The following ANO3 variants were observed in gnomAD, a reference collection of about 807,000 sequenced individuals.
ANO3 encodes the protein anoctamin 3.
Under a neutral mutation model 144.8 loss-of-function variants are expected in ANO3, and 99 were observed. The ratio of observed to expected loss-of-function variants is 0.68; its 90% confidence interval spans 0.58 to 0.81. The LOEUF (loss-of-function observed/expected upper bound fraction) is 0.81. ANO3 is among the 30% of genes least tolerant of loss of function. The pLI is 0.00. For missense variants in ANO3, 905 were observed against 1,202.2 expected (o/e 0.75, Z 3.66); for synonymous variants, 414 against 392.6 (o/e 1.05, Z -0.64).
intron 1 of ANO3, among the ~76,000 whole-genome samples, chr11:26,257,105 G>GATC (rs148915988): frequency 0.018 from 2,781 of 151,950 alleles, 65 homozygotes; most frequent in East Asian, 0.12. Flanking sequence ...TCAAAATCTA[G>GATC]ATCATTAATA....
At chr11:26,366,028 G>T (rs906081530) in intron 1 of ANO3, among the ~76,000 whole-genome samples, 1 of 141,164 alleles carries the variant, frequency 7.1e-6, no homozygotes, top group South Asian at 2.2e-4. Context: ...AAGTTCTAGG[G>T]TACATGCACA....
At chr11:26,271,796 G>A (rs1045062782) in intron 1 of ANO3, among the ~76,000 whole-genome samples, 1 of 150,016 alleles carries the variant, frequency 6.7e-6, no homozygotes, top group Admixed American at 6.7e-5. Flanking sequence ...ACAGTAATTT[G>A]TATATCTGAG....
At chr11:26,591,260 C>T (rs548591643) in intron 14 of ANO3, among the ~76,000 whole-genome samples, 72 of 152,232 alleles carry the variant, frequency 4.7e-4, no homozygotes, top group African/African-American at 1.6e-3. Flanking sequence ...TGGCCAACGA[C>T]CGCTCTTAAC....
At chr11:26,243,801 T>A (rs1852717772) in intron 1 of ANO3, among the ~76,000 whole-genome samples, 1 of 152,110 alleles carries the variant, frequency 6.6e-6, no homozygotes. Flanking sequence ...AGAAAAATCT[T>A]AAATGAAGCC....
chr11:26,543,267 A>G (rs911065156), intron 11 of ANO3, among the ~76,000 whole-genome samples: 6 of 152,142 alleles, frequency 3.9e-5, no homozygotes, highest in African/African-American at 1.4e-4. Flanking sequence ...TCTGTTTTAT[A>G]TTGCCCTCTG....
At chr11:26,459,609 C>CAT (rs369468330) in intron 3 of ANO3, among the ~76,000 whole-genome samples, 205 of 149,522 alleles carry the variant, frequency 1.4e-3, no homozygotes, top group East Asian at 4.7e-3. Flanking sequence ...CACACACATA[C>CAT]ATATATATAT....
chr11:26,519,178 TAGC>T (rs1250123939), intron 6 of ANO3, among the ~76,000 whole-genome samples: 8 of 152,156 alleles, frequency 5.3e-5, no homozygotes, highest in African/African-American at 1.9e-4. Flanking sequence ...AGGAAGCCCT[TAGC>T]AACTATCATA....
At position 26,638,379 on chromosome 11, in the gene ANO3, C is replaced by T. The variant is rs758756791; in HGVS notation, c.2044-765C>T. On this transcript the variant is annotated intron_variant, in intron 20 of 26. Coordinates refer to ENST00000256737, the MANE Select transcript of ANO3 (RefSeq NM_031418.4). ...GATTGGTCTCTCCAAAACACATAAC[C>T]CTGGTCTAAACATAAGAAAAACCAT... Among the ~76,000 whole-genome samples the T allele has an allele frequency of 2.6e-5, 4 of 152,274 alleles. No homozygotes were observed. In the South Asian group the frequency reaches 8.3e-4, roughly 32 times the overall value.
At chr11:26,560,969 G>A (rs532609867) in intron 14 of ANO3, 186 of 1,225,182 alleles carry the variant, frequency 1.5e-4, no homozygotes, top group Admixed American at 2.8e-4. Context: ...CAAAATCCAC[G>A]TGACAGTAAT....
chr11:26,554,157 T>C (rs976432662), intron 13 of ANO3, among the ~76,000 whole-genome samples: 1 of 152,178 alleles, frequency 6.6e-6, no homozygotes, highest in Non-Finnish European at 1.5e-5. Flanking sequence ...ATTTGTATTT[T>C]CTAGATTCTT....
chr11:26,352,277 A>G (rs1413975285), intron 1 of ANO3, among the ~76,000 whole-genome samples: 1 of 152,212 alleles, frequency 6.6e-6, no homozygotes. Flanking sequence ...AACTTAGAGC[A>G]AATAGTCATC....
At chr11:26,335,296 T>C (rs1855163750) in intron 1 of ANO3, among the ~76,000 whole-genome samples, 3 of 152,208 alleles carry the variant, frequency 2.0e-5, no homozygotes. Flanking sequence ...GCTCAAAAAA[T>C]TTAGTGATTT....
intron 17 of ANO3, among the ~76,000 whole-genome samples, chr11:26,615,246 A>G (rs1350736099): frequency 1.3e-5 from 2 of 149,776 alleles, no homozygotes; most frequent in Non-Finnish European, 3.0e-5. Context: ...ACATTAGGTC[A>G]CTTTTTGAGT....
At chr11:26,496,147 C>G (rs905195701) in intron 4 of ANO3, among the ~76,000 whole-genome samples, 2 of 152,190 alleles carry the variant, frequency 1.3e-5, no homozygotes, top group African/African-American at 2.4e-5. Flanking sequence ...CATTTGCAAG[C>G]ATGCAAATAA....
chr11:26,334,618 T>G (rs1855146416), intron 1 of ANO3, among the ~76,000 whole-genome samples: 4 of 152,180 alleles, frequency 2.6e-5, no homozygotes, highest in Non-Finnish European at 5.9e-5. Flanking sequence ...CAGAATACAT[T>G]CCTAATCCCT....
At chr11:26,561,157 T>G (rs1429922227) in intron 14 of ANO3, 1 of 1,612,774 alleles carries the variant, frequency 6.2e-7, no homozygotes, top group Non-Finnish European at 8.5e-7. Flanking sequence ...TCATTCAAAG[T>G]TGGATTGTAG....
At chr11:26,383,725 A>G (rs1214834640) in intron 1 of ANO3, among the ~76,000 whole-genome samples, 2 of 152,134 alleles carry the variant, frequency 1.3e-5, no homozygotes, top group African/African-American at 4.8e-5. Flanking sequence ...TTCTGATTAA[A>G]TATGTTCATT....
chr11:26,189,052 AAAT>A lies in ANO3; in HGVS notation c.-121_-119del, dbSNP rs566900041. 5.3e-3 allele frequency: 1,634 copies of A among 310,716 alleles called. 4 individuals carry two copies. The highest frequency in any genetic ancestry group is 6.4e-3 in the Non-Finnish European group (1,355 of 213,230). 19.2% of individuals were successfully genotyped at this position (310,716 alleles called of 1,614,324 possible). ...TTATTTCCTTTGGATTTCCAAGTGA[AAAT>A]AATTACAGGAAAGCCTATAGTTATG... is the stretch of plus-strand genomic sequence containing the variant. On this transcript the variant is annotated 5_prime_UTR_variant, in exon 1 of 28. Transcript: ENST00000672621.
intron 7 of ANO3, 46 bp downstream of exon 7, chr11:26,525,725 G>GA (rs1299018504): frequency 2.0e-6 from 3 of 1,476,828 alleles, no homozygotes; most frequent in Non-Finnish European, 2.8e-6. Context: ...TTGTCGTTTT[G>GA]AAAAAAATAA....
Sources: gnomAD v4.1 joint callset for allele counts (sites outside exome capture counted in the v4.1 genomes callset) on GRCh38, gnomAD v4.1.1 for gene constraint, MANE v1.5 for transcripts, NCBI Gene and HGNC (gene_info 2026-07-23, HGNC 2026-07-21) for gene names.